The following PCDHGB4 variants were observed in gnomAD, a reference collection of about 807,000 sequenced individuals.
PCDHGB4 encodes the protein protocadherin gamma subfamily B, 4.
A neutral mutation model predicts 60.5 loss-of-function variants in PCDHGB4; 38 were observed. That is an observed-to-expected ratio of 0.63 (90% CI 0.48 to 0.82). The LOEUF (loss-of-function observed/expected upper bound fraction) is 0.82, where lower values mean the gene tolerates loss of function less well. Among genes scored for constraint, PCDHGB4 ranks in the 40% least tolerant of loss-of-function variants. The pLI is 0.00. For missense variants in PCDHGB4, 1,109 were observed against 1,209.6 expected, an observed-to-expected ratio of 0.92 and a Z score of 1.23; for synonymous variants, 456 against 509.7, an observed-to-expected ratio of 0.89 and a Z score of 1.42.
At chr5:141,462,043 G>C (rs1310987622) in intron 1 of PCDHGB4, among the ~76,000 whole-genome samples, 1 of 152,100 alleles carries the variant, frequency 6.6e-6, no homozygotes, top group Non-Finnish European at 1.5e-5. Flanking sequence ...GGCGGGTCTT[G>C]AACTCCCGAC....
In PCDHGB4 at chr5:141,420,077, C is replaced by T. The variant is rs760626443; in HGVS notation, c.2397+29796C>T. The T allele has an allele frequency of 2.9e-5, 47 of 1,613,782 alleles. No homozygotes were observed. Among genetic ancestry groups the T allele is most frequent in the Admixed American group, 1.0e-4 (6 of 60,004 alleles). The stretch of plus-strand genomic sequence containing the variant: ...CTGCTCCAAGTCCGGACCTGTGGGT[C>T]CCCCCAACTACAGTGAGGGAACGTT... On this transcript the variant is annotated intron_variant, in intron 1 of 3. Coordinates refer to ENST00000519479, the MANE Select transcript of PCDHGB4 (RefSeq NM_003736.4).
At position 141,511,235 on chromosome 5, in the gene PCDHGB4, C is replaced by G; in HGVS notation, c.*62C>G. On this transcript the variant is annotated 3_prime_UTR_variant, in exon 4 of 4. Transcript: ENST00000519479. ...CCCCAACCAGCCCAGCTTCTCCTTA[C>G]CTGCACCCAGGCCTCAGAGTTTCAG... 2 of 1,592,936 alleles carry G rather than the reference C, an allele frequency of 1.3e-6. No homozygotes were observed. The highest frequency in any genetic ancestry group is 1.7e-6 in the Non-Finnish European group (2 of 1,169,652).
rs2099411055 is a variant in PCDHGB4, at chr5:141,477,429, C to T, written c.2398-17378C>T. 6.2e-7 allele frequency: 1 copy of T among 1,614,218 alleles called. No individual in the cohort carries two copies. Among genetic ancestry groups the T allele is most frequent in the South Asian group, 1.1e-5 (1 of 91,082 alleles). ...CGAGACGCCGGAACCCCTTCCCTCT[C>T]AGCCCTTACAATAGTGCGTGTTCAA... On this transcript the variant is annotated intron_variant, in intron 1 of 3. Coordinates refer to ENST00000519479, the MANE Select transcript of PCDHGB4 (RefSeq NM_003736.4). The surrounding 1 kb of genome is among the most constrained non-coding windows in gnomAD (Gnocchi z 4.9).
chr5:141,491,454 C>G lies in PCDHGB4; in HGVS notation c.2398-3353C>G. ...GCTGCAGGCGCCAGGACTCACCCTCCCCGGACTTCTATAAGCAGTCCAGCC... is the reference window on the plus strand; with the variant it reads ...GCTGCAGGCGCCAGGACTCACCCTCGCCGGACTTCTATAAGCAGTCCAGCC... On this transcript the variant is annotated intron_variant, in intron 1 of 3. Coordinates refer to ENST00000519479, the MANE Select transcript of PCDHGB4 (RefSeq NM_003736.4). This position sits in a 1 kb window ranked among gnomAD's most constrained non-coding sequence, Gnocchi z 6.9. The G allele has an allele frequency of 6.2e-7, 1 of 1,614,120 alleles. No individual in the cohort carries two copies. Among genetic ancestry groups the G allele is most frequent in the Non-Finnish European group, 8.5e-7 (1 of 1,180,032 alleles).
chr5:141,458,549 T>A (rs2098948402), intron 1 of PCDHGB4, among the ~76,000 whole-genome samples: 1 of 148,072 alleles, frequency 6.8e-6, no homozygotes, highest in African/African-American at 2.6e-5. Flanking sequence ...ATTTTGTTTG[T>A]TTGTTTTGGT....
Position 141,463,645 on chromosome 5 carries a change from G to T in PCDHGB4, c.2398-31162G>T, listed in dbSNP as rs372962993. ...TTGTATTTTGTTTAGTAGAGACGGG[G>T]TTTCACCGTGTTAGCCAGGATGGTC... On this transcript the variant is annotated intron_variant, in intron 1 of 3. Transcript: ENST00000519479. 7.9e-5 allele frequency among the ~76,000 whole-genome samples: 12 copies of T among 151,840 alleles called. No individual in the cohort carries two copies. In the East Asian group the frequency reaches 2.1e-3, roughly 27 times the overall value.
chr5:141,390,207 C>T lies in PCDHGB4; in HGVS notation c.2323C>T (p.Gln775Ter). 1 of 1,614,028 alleles carries T rather than the reference C, an allele frequency of 6.2e-7. No individual in the cohort carries two copies. Among genetic ancestry groups the T allele is most frequent in the Non-Finnish European group, 8.5e-7 (1 of 1,179,896 alleles). The part of the protein sequence containing the change: ...LKCSEQLSSG[Q>*]DILCGDSSGA... Reference sequence around the variant, plus strand: ...ATGTAGTGAGCAGTTGAGTTCAGGACAAGACATACTTTGCGGTGATTCATC... The same window carrying T: ...ATGTAGTGAGCAGTTGAGTTCAGGATAAGACATACTTTGCGGTGATTCATC... The change falls in exon 1 of 4, where the codon CAA (glutamine) becomes TAA (stop). Residue 775 changes from glutamine to a stop codon, truncating the protein, a stop_gained. Transcript: ENST00000519479. LOFTEE classifies it high-confidence loss of function.
chr5:141,503,024 A>G (rs574653661), intron 2 of PCDHGB4, among the ~76,000 whole-genome samples: 2 of 150,210 alleles, frequency 1.3e-5, no homozygotes, highest in South Asian at 2.1e-4. Context: ...TTTTTTTTTA[A>G]TATCTATTTT....
intron 1 of PCDHGB4, among the ~76,000 whole-genome samples, chr5:141,439,537 C>T (rs1404605731): frequency 6.6e-6 from 1 of 152,206 alleles, no homozygotes; most frequent in African/African-American, 2.4e-5. Flanking sequence ...GAACGCTGTC[C>T]TCTCATTTCT....
At chr5:141,475,553 TTGTC>T (rs2099365287) in intron 1 of PCDHGB4, among the ~76,000 whole-genome samples, 2 of 152,260 alleles carry the variant, frequency 1.3e-5, no homozygotes, top group Non-Finnish European at 2.9e-5. Context: ...GTCCGGCTAA[TTGTC>T]TGTCTTCCAA....
intron 1 of PCDHGB4, chr5:141,478,072 G>A (rs752905249): frequency 6.2e-7 from 1 of 1,614,048 alleles, no homozygotes; most frequent in Admixed American, 1.7e-5. Flanking sequence ...AAGACAATGG[G>A]GAGCCTTCGC....
intron 1 of PCDHGB4, chr5:141,478,809 C>G: frequency 6.9e-7 from 1 of 1,453,454 alleles, no homozygotes; most frequent in Non-Finnish European, 9.0e-7. Flanking sequence ...CTTTTGCTAT[C>G]ACAACTAACC....
intron 1 of PCDHGB4, among the ~76,000 whole-genome samples, chr5:141,449,974 A>T (rs2098661108): frequency 6.6e-6 from 1 of 151,260 alleles, no homozygotes; most frequent in African/African-American, 2.4e-5. Context: ...TTTAGTCCAA[A>T]ATATCACACA....
intron 1 of PCDHGB4, among the ~76,000 whole-genome samples, chr5:141,462,650 TC>T (rs1254671361): frequency 7.3e-6 from 1 of 137,262 alleles, no homozygotes; most frequent in African/African-American, 3.0e-5. Context: ...ATTTCCATCC[TC>T]AATTATCTTC....
At chr5:141,496,146 G>A (rs749790409) in intron 2 of PCDHGB4, among the ~76,000 whole-genome samples, 1 of 151,170 alleles carries the variant, frequency 6.6e-6, no homozygotes, top group Non-Finnish European at 1.5e-5. Flanking sequence ...GCCTTTGATC[G>A]CAGCTCTCCA....
intron 1 of PCDHGB4, among the ~76,000 whole-genome samples, chr5:141,425,694 A>G (rs1006103007): frequency 6.6e-6 from 1 of 152,240 alleles, no homozygotes; most frequent in Non-Finnish European, 1.5e-5. Context: ...ATATCATTTC[A>G]TAGTGGTCAA....
intron 2 of PCDHGB4, among the ~76,000 whole-genome samples, chr5:141,500,508 C>T (rs2099801020): frequency 6.6e-6 from 1 of 152,078 alleles, no homozygotes; most frequent in African/African-American, 2.4e-5. Context: ...CGCGCCTGGC[C>T]GAGCTTCATT....
rs758216933 is a variant in PCDHGB4 at position 141,487,377 on chromosome 5, C to A, written c.2398-7430C>A. The A allele has an allele frequency of 2.5e-6, 4 of 1,614,190 alleles. No individual in the cohort carries two copies. In the South Asian group the frequency reaches 3.3e-5, roughly 13 times the overall value. On this transcript the variant is annotated intron_variant, in intron 1 of 3. Transcript: ENST00000519479. This position sits in a 1 kb window ranked among gnomAD's most constrained non-coding sequence, Gnocchi z 5.0. ...CCTGCTGGCACCTGTGCCTGTCTCA[C>A]CAGATCTCGAAGGAGGGAGGGGCTT...
intron 1 of PCDHGB4, among the ~76,000 whole-genome samples, chr5:141,473,915 A>G (rs1366378437): frequency 3.3e-5 from 5 of 152,162 alleles, no homozygotes; most frequent in Non-Finnish European, 5.9e-5. Flanking sequence ...GTCTTAAGAA[A>G]ACTATGAGCT....
Sources: allele counts gnomAD v4.1 joint callset (sites outside exome capture counted in the v4.1 genomes callset), GRCh38; gene constraint gnomAD v4.1.1; non-coding constraint Gnocchi (gnomAD v3.1); transcripts MANE v1.5; gene names NCBI Gene and HGNC (gene_info 2026-07-23, HGNC 2026-07-21).